The following MRPL37 variants were observed in gnomAD, a reference collection of about 807,000 sequenced individuals.
MRPL37 encodes the protein large ribosomal subunit protein mL37.
MRPL37 carries 34 observed loss-of-function variants against 44.1 expected under a neutral mutation model. That is an observed-to-expected ratio of 0.77 (90% CI 0.59 to 1.03). MRPL37 has a LOEUF of 1.03. MRPL37 is among the 50% of genes least tolerant of loss of function. MRPL37 has a pLI of 0.00. For synonymous variants in MRPL37, 212 were observed against 219.5 expected (o/e 0.97, Z 0.30); for missense variants, 532 against 543.7 (o/e 0.98, Z 0.21).
At chr1:54,225,410 C>T (rs1644271110), downstream of MRPL37, 1 of 1,233,944 alleles carries the variant, frequency 8.1e-7, no homozygotes, top group Non-Finnish European at 1.0e-6. Flanking sequence ...AACCCACATT[C>T]CCCAAACATG....
chr1:54,208,455 G>A lies in MRPL37; in HGVS notation c.647-1491G>A, dbSNP rs1379276107. 3.3e-5 allele frequency among the ~76,000 whole-genome samples: 5 copies of A among 150,040 alleles called. No individual in the cohort carries two copies. The East Asian group carries it at 6.0e-4, about 18-fold the overall frequency. On this transcript the variant is annotated intron_variant, in intron 3 of 6. Transcript: ENST00000360840. The stretch of plus-strand genomic sequence containing the variant: ...TCCCAGCTACTCGGGAGGCTGAGGC[G>A]GGAGAATGGCGTGAACCCGGAAGGC...
In MRPL37 at chr1:54,212,525, C is replaced by T. The variant is rs757807185; in HGVS notation, c.857C>T (p.Pro286Leu). Residue 286 changes from proline (P) to leucine (L), a missense_variant, in exon 5 of 7, where the codon CCC becomes CTC. By Grantham distance (98) the Pro-to-Leu change is moderately conservative. Transcript: ENST00000360840. ...DTGFQEGYPY[P>L]YPHTLYLLDK... ...GGATTCCAGGAAGGCTATCCTTACC[C>T]CTATCCCCATACCCTGTACTTACTG... The T allele has an allele frequency of 3.1e-6, 5 of 1,614,196 alleles. No individual in the cohort carries two copies. Among genetic ancestry groups the T allele is most frequent in the Admixed American group, 1.7e-5 (1 of 60,016 alleles).
Position 54,209,962 on chromosome 1 carries a change from A to T in MRPL37, c.663A>T (p.Gln221His), listed in dbSNP as rs1644152505. 5 of 1,614,104 alleles carry T rather than the reference A, an allele frequency of 3.1e-6. No individual in the cohort carries two copies. The highest frequency in any genetic ancestry group is 4.2e-6 in the Non-Finnish European group (5 of 1,180,020). Residue 221 changes from glutamine to histidine, a missense_variant, in exon 4 of 7, where the codon CAA (glutamine) becomes CAT (histidine). Transcript: ENST00000360840. The part of the protein sequence containing the change: ...ATWNRESLLL[Q>H]VRGSGGARLS... ...CCCTTTTAGAGTCTCTTCTCCTTCA[A>T]GTCCGTGGTTCTGGTGGAGCCCGAC...
At chr1:54,224,447 TCA>T (rs1256005786), downstream of MRPL37, among the ~76,000 whole-genome samples, 1 of 152,166 alleles carries the variant, frequency 6.6e-6, no homozygotes, top group Non-Finnish European at 1.5e-5. Context: ...GCTAACCTCC[TCA>T]CAGCCTATGA....
rs1332505986 is a variant in MRPL37, at chr1:54,200,481, C to T, written c.238C>T (p.Arg80Cys). ...LARPIFPPWD[R>C]GYKDPRFYRS... is the part of the protein sequence containing the mutation. ...GCGGCCGATCTTTCCGCCCTGGGAC[C>T]GCGGCTACAAGGACCCAAGGTTCTA... Residue 80 changes from arginine (R) to cysteine (C), a missense_variant, in exon 1 of 7, where the codon CGC (arginine) becomes TGC (cysteine). Coordinates refer to ENST00000360840, the MANE Select transcript of MRPL37 (RefSeq NM_016491.4). The T allele has an allele frequency of 1.2e-6, 2 of 1,614,210 alleles. No homozygotes were observed. Among genetic ancestry groups the T allele is most frequent in the African/African-American group, 1.3e-5 (1 of 75,074 alleles).
intron 3 of MRPL37, among the ~76,000 whole-genome samples, chr1:54,206,859 C>T (rs945800301): frequency 3.3e-5 from 5 of 152,000 alleles, no homozygotes; most frequent in African/African-American, 1.2e-4. Flanking sequence ...CTCAGCCTCT[C>T]AAGTAGCTGG....
At chr1:54,215,925 C>T (rs954457801) in intron 5 of MRPL37, among the ~76,000 whole-genome samples, 3 of 152,168 alleles carry the variant, frequency 2.0e-5, no homozygotes, top group African/African-American at 7.2e-5. Flanking sequence ...AGAGCAGGCA[C>T]CCTGGGGCCA....
chr1:54,210,025 A>G lies in MRPL37; in HGVS notation c.726A>G (p.Arg242=). 1 of 1,614,198 alleles carries G rather than the reference A, an allele frequency of 6.2e-7. No homozygotes were observed. The highest frequency in any genetic ancestry group is 8.5e-7 in the Non-Finnish European group (1 of 1,180,020). The stretch of plus-strand genomic sequence containing the variant: ...ATCCTCTGCCCACCATCGCCTCCAG[A>G]GAGGAGATTGAAGCTACTAAGAATC... ...TKDPLPTIAS[R]EEIEATKNHV... Residue 242 remains arginine (R), a synonymous_variant, in exon 4 of 7, where the codon AGA becomes AGG. Transcript: ENST00000360840.
intron 1 of MRPL37, among the ~76,000 whole-genome samples, chr1:54,202,224 A>G (rs1644089919): frequency 6.6e-6 from 1 of 152,090 alleles, no homozygotes; most frequent in African/African-American, 2.4e-5. Context: ...CTGGTCTCAA[A>G]ATCTGGGACT....
At chr1:54,212,808 G>A (rs1024878441) in intron 5 of MRPL37, 150 bp downstream of exon 5, 1 of 1,096,398 alleles carries the variant, frequency 9.1e-7, no homozygotes, top group Non-Finnish European at 1.3e-6. Context: ...ACCCTGTGGA[G>A]ATGAGCCAAC....
At chr1:54,215,807 T>A (rs1037417114) in intron 5 of MRPL37, among the ~76,000 whole-genome samples, 1 of 152,112 alleles carries the variant, frequency 6.6e-6, no homozygotes, top group Non-Finnish European at 1.5e-5. Context: ...ACGCCAGGAG[T>A]TTGAGGGATT....
chr1:54,213,233 T>A (rs537243663), intron 5 of MRPL37, among the ~76,000 whole-genome samples: 5 of 152,304 alleles, frequency 3.3e-5, no homozygotes, highest in African/African-American at 1.2e-4. Context: ...CAGAGAGCTG[T>A]CCCAAGATGG....
At chr1:54,225,033 G>A (rs1570162757), downstream of MRPL37, 1 of 1,188,670 alleles carries the variant, frequency 8.4e-7, no homozygotes, top group Non-Finnish European at 1.0e-6. Context: ...CACCCGAGGG[G>A]AGAAAGCAGG....
chr1:54,225,374 AT>A (rs1644270318), downstream of MRPL37: 1 of 1,234,014 alleles, frequency 8.1e-7, no homozygotes, highest in African/African-American at 1.6e-5. Context: ...GTCACCTTGC[AT>A]TTTGTAATCA....
At chr1:54,205,938 T>A (rs1004380711) in intron 3 of MRPL37, among the ~76,000 whole-genome samples, 1 of 152,134 alleles carries the variant, frequency 6.6e-6, no homozygotes, top group Non-Finnish European at 1.5e-5. Flanking sequence ...CGCCACTTAG[T>A]CTTTCTAGTC....
chr1:54,216,447 G>A, intron 6 of MRPL37, 103 bp downstream of exon 6: 1 of 1,346,520 alleles, frequency 7.4e-7, no homozygotes, highest in African/African-American at 1.5e-5. Context: ...GGAGAGCCCT[G>A]GCCCTGGGGA....
intron 2 of MRPL37, 22 bp from the exon 3 acceptor site, chr1:54,205,273 A>G: frequency 6.2e-7 from 1 of 1,609,718 alleles, no homozygotes; most frequent in Non-Finnish European, 8.5e-7. Context: ...TAAGTCCCCA[A>G]ATGTCTCTTT....
chr1:54,200,777 G>A (rs1027364082), intron 1 of MRPL37, among the ~76,000 whole-genome samples, 188 bp downstream of exon 1: 2 of 152,230 alleles, frequency 1.3e-5, no homozygotes, highest in African/African-American at 4.8e-5. Flanking sequence ...GGGCCTCTGT[G>A]CAGGAGTAAT....
At chr1:54,223,168 C>T (rs1557428812), downstream of MRPL37, among the ~76,000 whole-genome samples, 1 of 152,224 alleles carries the variant, frequency 6.6e-6, no homozygotes, top group Non-Finnish European at 1.5e-5. Flanking sequence ...ACATCCAACC[C>T]CCAGCCCCAA....
Sources: allele counts gnomAD v4.1 joint callset (sites outside exome capture counted in the v4.1 genomes callset), GRCh38; gene constraint gnomAD v4.1.1; transcripts MANE v1.5; gene names NCBI Gene and HGNC (gene_info 2026-07-23, HGNC 2026-07-21).